BTRC: variants seen among roughly 807,000 people sequenced by gnomAD.
The protein encoded by BTRC is beta-transducin repeat containing E3 ubiquitin protein ligase.
In BTRC, 42 loss-of-function variants were observed where a neutral mutation model predicts 85.5. That is an observed-to-expected ratio of 0.49 (90% CI 0.38 to 0.64). The LOEUF is 0.64. Among genes scored for constraint, BTRC ranks in the 30% least tolerant of loss-of-function variants. The probability of loss-of-function intolerance (pLI) is 0.00; values close to 1 mark genes in which losing one functional copy is unlikely to be tolerated. For missense variants in BTRC, 594 were observed against 743.5 expected, an observed-to-expected ratio of 0.80 and a Z score of 2.34; for synonymous variants, 255 against 263.3, an observed-to-expected ratio of 0.97 and a Z score of 0.30.
At chr10:101,485,793 A>G (rs1299981836) in intron 4 of BTRC, among the ~76,000 whole-genome samples, 1 of 152,154 alleles carries the variant, frequency 6.6e-6, no homozygotes, top group African/African-American at 2.4e-5. Flanking sequence ...ATTGATCTAG[A>G]TTAGCATGAA....
chr10:101,519,309 A>T (rs973954147), intron 4 of BTRC, among the ~76,000 whole-genome samples: 2 of 151,896 alleles, frequency 1.3e-5, no homozygotes, highest in African/African-American at 4.8e-5. Context: ...CAAACTCCTG[A>T]CCTTAGGTGA....
intron 1 of BTRC, among the ~76,000 whole-genome samples, chr10:101,409,285 TTATC>T (rs1943712335): frequency 6.6e-6 from 1 of 152,212 alleles, no homozygotes; most frequent in Non-Finnish European, 1.5e-5. Flanking sequence ...CCATATGAAT[TTATC>T]TATTCTGGAC....
Position 101,447,247 on chromosome 10 carries a change from G to A in BTRC, c.157-14734G>A, listed in dbSNP as rs531445750. Among the ~76,000 whole-genome samples, 4 of 152,094 alleles carry A rather than the reference G, an allele frequency of 2.6e-5. No individual in the cohort carries two copies. In the South Asian group the frequency reaches 6.2e-4, roughly 24 times the overall value. On this transcript the variant is annotated intron_variant, in intron 2 of 14. Coordinates refer to ENST00000370187, the MANE Select transcript of BTRC (RefSeq NM_033637.4). Reference sequence around the variant, plus strand: ...CTTGAAACCTATCCAGGCCCTCGTGGGTCAAGTGACCCACAAGTCAGTGCT... The same window carrying A: ...CTTGAAACCTATCCAGGCCCTCGTGAGTCAAGTGACCCACAAGTCAGTGCT...
Position 101,538,318 on chromosome 10 carries a change from G to A in BTRC, c.1603G>A (p.Ala535Thr). 6.2e-7 allele frequency: 1 copy of A among 1,614,036 alleles called. No homozygotes were observed. The highest frequency in any genetic ancestry group is 2.2e-5 in the East Asian group (1 of 44,880). The change falls in exon 13 of 15, where the codon GCT becomes ACT. Residue 535 changes from alanine (A) to threonine (T), a missense_variant. Around this residue, in one of 4 missense-constraint regions of BTRC, gnomAD observed 373 missense variants for 503.6 expected, o/e 0.74. Transcript: ENST00000370187. ...AAAAATTAAAGTGTGGGATCTTGTGGCTGCTTTGGACCCCCGTGCTCCTGC... is the reference window on the plus strand; with the variant it reads ...AAAAATTAAAGTGTGGGATCTTGTGACTGCTTTGGACCCCCGTGCTCCTGC... ...DGKIKVWDLV[A>T]ALDPRAPAGT...
intron 4 of BTRC, among the ~76,000 whole-genome samples, chr10:101,506,113 C>T (rs908737629): frequency 2.0e-4 from 31 of 152,268 alleles, no homozygotes; most frequent in Admixed American, 1.4e-3. Flanking sequence ...GGGGTTTCAC[C>T]ATGTTGGTCA....
At chr10:101,522,516 A>T (rs1227716026) in intron 5 of BTRC, among the ~76,000 whole-genome samples, 1 of 127,154 alleles carries the variant, frequency 7.9e-6, no homozygotes, top group South Asian at 2.7e-4. Flanking sequence ...TGCCTCCCAG[A>T]TTCAAGCAAT....
Position 101,550,570 on chromosome 10 carries a change from C to A in BTRC, c.1657-129C>A. The A allele has an allele frequency of 6.4e-6, 6 of 930,824 alleles. No homozygotes were observed. The South Asian group carries it at 8.5e-5, about 13-fold the overall frequency. 57.7% of individuals were successfully genotyped at this position (930,824 alleles called of 1,614,324 possible). ...GTGCTGGGATTACAGGTGTGAGCCA[C>A]TGCGCCTGGCCTCTTTATAACAGCA... is the stretch of plus-strand genomic sequence containing the variant. On this transcript the variant is annotated intron_variant, in intron 13 of 14. Transcript: ENST00000370187.
At chr10:101,490,061 A>G (rs1032462862) in intron 4 of BTRC, among the ~76,000 whole-genome samples, 5 of 152,104 alleles carry the variant, frequency 3.3e-5, no homozygotes, top group Non-Finnish European at 5.9e-5. Flanking sequence ...AGTTGTATCT[A>G]TTATAAAGAT....
At chr10:101,490,828 G>T (rs975226473) in intron 4 of BTRC, among the ~76,000 whole-genome samples, 1 of 152,182 alleles carries the variant, frequency 6.6e-6, no homozygotes, top group African/African-American at 2.4e-5. Flanking sequence ...GGAGGCCTAG[G>T]TGGGCGGATC....
In BTRC at chr10:101,550,823, G is replaced by C. The variant is rs141030727; in HGVS notation, c.1781G>C (p.Arg594Pro). The C allele has an allele frequency of 1.2e-6, 2 of 1,613,720 alleles. No homozygotes were observed. The highest frequency in any genetic ancestry group is 3.3e-5 in the Admixed American group (2 of 59,980). Residue 594 changes from arginine to proline, a missense_variant, in exon 14 of 15, where the codon CGT (arginine) becomes CCT (proline). By Grantham distance (103) the Arg-to-Pro change is moderately radical. Around this residue, in one of 4 missense-constraint regions of BTRC, gnomAD observed 56 missense variants for 39.6 expected, o/e 1.41. Coordinates refer to ENST00000370187, the MANE Select transcript of BTRC (RefSeq NM_033637.4). The part of the protein sequence containing the change: ...NDPAAQAEPP[R>P]SPSRTYTYIS... The stretch of plus-strand genomic sequence containing the variant: ...CCAGCTGCCCAAGCTGAACCCCCCC[G>C]TTCCCCTTCTCGAACATACACCTAC...
intron 4 of BTRC, among the ~76,000 whole-genome samples, chr10:101,483,063 C>T (rs1945882814): frequency 6.6e-6 from 1 of 152,144 alleles, no homozygotes; most frequent in African/African-American, 2.4e-5. Context: ...TTAGAGAAGA[C>T]ATTAATACTA....
intron 13 of BTRC, among the ~76,000 whole-genome samples, chr10:101,547,328 C>CTTTTT (rs71016332): frequency 1.4e-4 from 11 of 79,638 alleles, no homozygotes; most frequent in Non-Finnish European, 2.2e-4. Context: ...TATGGTTTTT[C>CTTTTT]TTTTTTTTTT....
intron 2 of BTRC, among the ~76,000 whole-genome samples, chr10:101,441,788 CG>C (rs781763663): frequency 6.0e-4 from 89 of 148,584 alleles, no homozygotes; most frequent in Admixed American, 8.3e-4. Context: ...GGCTAAGGCA[CG>C]CGAATCGCTT....
At chr10:101,449,553 A>G (rs1189693388) in intron 2 of BTRC, among the ~76,000 whole-genome samples, 1 of 152,150 alleles carries the variant, frequency 6.6e-6, no homozygotes, top group African/African-American at 2.4e-5. Context: ...TCATGGCACA[A>G]AAAAATCTGT....
intron 1 of BTRC, among the ~76,000 whole-genome samples, chr10:101,385,206 A>AC (rs1353997016): frequency 3.2e-5 from 4 of 125,332 alleles, no homozygotes; most frequent in Non-Finnish European, 5.7e-5. Flanking sequence ...TCTAAAAAAA[A>AC]GAAAAAAAAA....
intron 1 of BTRC, among the ~76,000 whole-genome samples, chr10:101,369,087 C>T (rs748848043): frequency 1.4e-4 from 21 of 152,050 alleles, no homozygotes; most frequent in South Asian, 2.1e-4. Context: ...ACTATCCCAC[C>T]GTTTTAATTT....
At chr10:101,520,863 A>C (rs562628835) in intron 4 of BTRC, among the ~76,000 whole-genome samples, 1 of 152,310 alleles carries the variant, frequency 6.6e-6, no homozygotes, top group South Asian at 2.1e-4. Context: ...AGGCTGAGGC[A>C]GGAGAATCGC....
At chr10:101,404,138 C>T (rs1191548919) in intron 1 of BTRC, among the ~76,000 whole-genome samples, 2 of 148,366 alleles carry the variant, frequency 1.3e-5, no homozygotes, top group Non-Finnish European at 3.0e-5. Context: ...TCACGCCATT[C>T]TCCTGCCTCA....
intron 1 of BTRC, among the ~76,000 whole-genome samples, chr10:101,398,914 GA>G (rs1368221035): frequency 2.6e-5 from 4 of 152,118 alleles, no homozygotes; most frequent in Non-Finnish European, 5.9e-5. Flanking sequence ...CTGGCTAACC[GA>G]AATCTGGCCT....
Sources: allele counts gnomAD v4.1 joint callset (sites outside exome capture counted in the v4.1 genomes callset), GRCh38; gene constraint gnomAD v4.1.1; regional missense constraint gnomAD v4.1.1; transcripts MANE v1.5; gene names NCBI Gene and HGNC (gene_info 2026-07-23, HGNC 2026-07-21).